SMARCA5: variants seen among roughly 807,000 people sequenced by gnomAD.
SMARCA5 encodes the protein SNF2 related chromatin remodeling ATPase 5, also known as SWI/SNF-related matrix-associated actin-dependent regulator of chromatin subfamily A member 5.
A neutral mutation model predicts 140.4 loss-of-function variants in SMARCA5; 18 were observed. That is an observed-to-expected ratio of 0.13 (90% CI 0.09 to 0.19). The LOEUF is 0.19. Ranked by LOEUF, SMARCA5 falls within the 10% of genes least tolerant of loss-of-function variation. The pLI is 1.00. For synonymous variants in SMARCA5, 449 were observed against 419.6 expected (o/e 1.07, Z -0.86); for missense variants, 606 against 1,276.8 (o/e 0.47, Z 8.01).
intron 10 of SMARCA5, 96 bp downstream of exon 10, chr4:143,535,060 A>G (rs1421151777): frequency 4.9e-6 from 4 of 816,392 alleles, no homozygotes; most frequent in African/African-American, 1.8e-5. Context: ...TGGAATTCCA[A>G]TTTGCTGGAT....
chr4:143,529,156 AG>A (rs1293694024), intron 8 of SMARCA5, among the ~76,000 whole-genome samples: 1 of 152,124 alleles, frequency 6.6e-6, no homozygotes, highest in African/African-American at 2.4e-5. Flanking sequence ...GCTGGTCTCA[AG>A]CTCCTGGCCT....
chr4:143,554,212 T>C lies in SMARCA5; in HGVS notation c.*1028T>C, dbSNP rs1383952960. 6.6e-6 allele frequency: 1 copy of C among 152,174 alleles called. No homozygotes were observed. Among genetic ancestry groups the C allele is most frequent in the Non-Finnish European group, 1.5e-5 (1 of 68,004 alleles). 9.4% of individuals were successfully genotyped at this position (152,174 alleles called of 1,614,324 possible). On this transcript the variant is annotated 3_prime_UTR_variant, in exon 24 of 24. Transcript: ENST00000283131. Reference sequence around the variant, plus strand: ...CCCTAAAGCAGGAATACCCAAATTATAGTGTCAGGATTTTAGCTGTACCAG... The same window carrying C: ...CCCTAAAGCAGGAATACCCAAATTACAGTGTCAGGATTTTAGCTGTACCAG...
intron 13 of SMARCA5, among the ~76,000 whole-genome samples, chr4:143,539,438 A>G: frequency 6.6e-6 from 1 of 152,130 alleles, no homozygotes; most frequent in East Asian, 1.9e-4. Flanking sequence ...CAGATCAGGA[A>G]GATTATTTTT....
chr4:143,555,194 C>CCTCT lies in SMARCA5; in HGVS notation c.*2011_*2014dup. ...GTATCGTGGTTTGGCAAAGTATTGGCCTCTACCACCATAGGGCCCAGAGCT... is the reference window on the plus strand; with the variant it reads ...GTATCGTGGTTTGGCAAAGTATTGGCCTCTCTCTACCACCATAGGGCCCAGAGCT... On this transcript the variant is annotated 3_prime_UTR_variant, in exon 24 of 24. Transcript: ENST00000283131. 1.4e-6 allele frequency: 1 copy of CCTCT among 739,936 alleles called. No homozygotes were observed. The highest frequency in any genetic ancestry group is 1.4e-5 in the South Asian group (1 of 74,048). The allele number at this position is 739,936 out of a possible 1,614,324, so 45.8% of individuals were successfully genotyped here. A position where few individuals can be genotyped will look rare whatever the true frequency, so the allele number is the denominator to read the frequency against.
intron 23 of SMARCA5, 117 bp downstream of exon 23, chr4:143,550,221 TTTAC>T: frequency 4.6e-6 from 2 of 436,716 alleles, no homozygotes; most frequent in South Asian, 3.6e-5. Context: ...CTCCATTGCC[TTTAC>T]TTTTTTTTTT....
intron 3 of SMARCA5, among the ~76,000 whole-genome samples, chr4:143,523,113 A>G (rs1736996818): frequency 6.6e-6 from 1 of 151,390 alleles, no homozygotes. Context: ...ATCTCGGTTC[A>G]CTGCAAGTTG....
intron 6 of SMARCA5, 106 bp downstream of exon 6, chr4:143,526,566 A>G: frequency 1.4e-6 from 1 of 731,304 alleles, no homozygotes; most frequent in Non-Finnish European, 2.3e-6. Context: ...GATCTTCGCA[A>G]ATATTAGTAT....
At chr4:143,526,214 G>C in intron 5 of SMARCA5, 67 bp from the exon 6 acceptor site, 1 of 1,210,968 alleles carries the variant, frequency 8.3e-7, no homozygotes, top group Admixed American at 1.9e-5. Flanking sequence ...TCTATATGTT[G>C]GGAGGTATAA....
chr4:143,527,753 A>G, intron 6 of SMARCA5, 115 bp from the exon 7 acceptor site: 1 of 808,634 alleles, frequency 1.2e-6, no homozygotes, highest in Non-Finnish European at 1.9e-6. Context: ...ATAGCTAGCT[A>G]CTCTACTCCT....
intron 2 of SMARCA5, among the ~76,000 whole-genome samples, chr4:143,518,271 G>A (rs1736884917): frequency 6.6e-6 from 1 of 152,062 alleles, no homozygotes. Context: ...CCTACACAGA[G>A]CTTTAAATTT....
intron 9 of SMARCA5, among the ~76,000 whole-genome samples, chr4:143,534,010 A>G (rs1436134319): frequency 6.6e-6 from 1 of 152,214 alleles, no homozygotes; most frequent in Non-Finnish European, 1.5e-5. Flanking sequence ...GGTTTGTGGC[A>G]ACCCTGTGTC....
In SMARCA5 at chr4:143,514,002, C is replaced by T. The variant is rs370709174; in HGVS notation, c.78C>T (p.Ser26=). 2.1e-3 allele frequency: 3,325 copies of T among 1,549,838 alleles called. 5 individuals carry two copies. The highest frequency in any genetic ancestry group is 2.7e-3 in the Non-Finnish European group (3,067 of 1,154,646). The change falls in exon 1 of 24, where the codon AGC becomes AGT. Residue 26 remains serine (S), a synonymous_variant. Coordinates refer to ENST00000283131, the MANE Select transcript of SMARCA5 (RefSeq NM_003601.4). The stretch of plus-strand genomic sequence containing the variant: ...CCAAGCCCGCAGCCTCGATCGCCAG[C>T]GGCGGGAGCAACAGCAGCAACAAAG... ...APSKPAASIA[S]GGSNSSNKGG...
At chr4:143,530,420 A>G (rs1378156929) in intron 8 of SMARCA5, 38 bp from the exon 9 acceptor site, 2 of 1,349,438 alleles carry the variant, frequency 1.5e-6, no homozygotes, top group South Asian at 1.2e-5. Flanking sequence ...TGTTAATATT[A>G]TCTCTGATCT....
chr4:143,522,757 C>T (rs1736988699), intron 3 of SMARCA5, among the ~76,000 whole-genome samples: 1 of 151,418 alleles, frequency 6.6e-6, no homozygotes, highest in South Asian at 2.1e-4. Context: ...ATGGGATAGT[C>T]AGTATGATGT....
chr4:143,538,464 T>TGGTGG, intron 11 of SMARCA5, 126 bp from the exon 12 acceptor site: 2 of 704,470 alleles, frequency 2.8e-6, no homozygotes, highest in Non-Finnish European at 2.4e-6. Context: ...GTGTAGATTT[T>TGGTGG]TTTCCCCCTT....
At chr4:143,548,286 A>G in intron 22 of SMARCA5, 146 bp downstream of exon 22, 1 of 515,760 alleles carries the variant, frequency 1.9e-6, no homozygotes, top group Non-Finnish European at 3.5e-6. Flanking sequence ...TACCAGGGAT[A>G]GCTTACAAGT....
In SMARCA5 at chr4:143,554,478, AGTAGTT is replaced by A. The variant is rs1395337194; in HGVS notation, c.*1297_*1302del. 1 of 96,720 alleles carries A rather than the reference AGTAGTT, an allele frequency of 1.0e-5. No individual in the cohort carries two copies. Among genetic ancestry groups the A allele is most frequent in the East Asian group, 1.2e-3 (1 of 822 alleles). The allele number at this position is 96,720 out of a possible 1,614,324, so 6.0% of individuals were successfully genotyped here. On this transcript the variant is annotated 3_prime_UTR_variant, in exon 24 of 24. Coordinates refer to ENST00000283131, the MANE Select transcript of SMARCA5 (RefSeq NM_003601.4). The stretch of plus-strand genomic sequence containing the variant: ...GATATCTTTCCCTTAAATTTCTATT[AGTAGTT>A]GTTTTCATCTGCCCACATGTAATTG...
intron 3 of SMARCA5, among the ~76,000 whole-genome samples, chr4:143,522,730 C>T (rs915902253): frequency 1.3e-5 from 2 of 152,100 alleles, no homozygotes; most frequent in Admixed American, 6.5e-5. Context: ...CTGGAAACTA[C>T]TGTACTGAAT....
In SMARCA5 at chr4:143,547,595, G is replaced by A; in HGVS notation, c.2772+92G>A. ...ACTTTTTATAAAGGAAAAGAAGTAA[G>A]GGTTTACAATTTAAAATTTCTTCAG... On this transcript the variant is annotated intron_variant, in intron 21 of 23. Transcript: ENST00000283131. The A allele has an allele frequency of 9.6e-6, 7 of 731,630 alleles. No homozygotes were observed. In the South Asian group the frequency reaches 1.1e-4, roughly 11 times the overall value. The allele number at this position is 731,630 out of a possible 1,614,324, so 45.3% of individuals were successfully genotyped here. A position where few individuals can be genotyped will look rare whatever the true frequency, so the allele number is the denominator to read the frequency against.
Sources: allele counts gnomAD v4.1 joint callset (sites outside exome capture counted in the v4.1 genomes callset), GRCh38; gene constraint gnomAD v4.1.1; transcripts MANE v1.5; gene names NCBI Gene and HGNC (gene_info 2026-07-23, HGNC 2026-07-21).